RYR2: variants seen among roughly 807,000 people sequenced by gnomAD.
The protein encoded by RYR2 is ryanodine receptor 2, also known as cardiac muscle ryanodine receptor-calcium release channel.
Under a neutral mutation model 601.1 loss-of-function variants are expected in RYR2, and 227 were observed. The ratio of observed to expected loss-of-function variants is 0.38; its 90% CI spans 0.34 to 0.42. The LOEUF is 0.42. RYR2 is among the 10% of genes least tolerant of loss of function. RYR2 has a pLI of 1.00. For synonymous variants in RYR2, 2,223 were observed against 2,175.1 expected (o/e 1.02, Z -0.61); for missense variants, 4,646 against 6,156.5 (o/e 0.75, Z 8.21).
intron 97 of RYR2, among the ~76,000 whole-genome samples, chr1:237,798,776 TCACACACA>T (rs72164792): frequency 5.2e-4 from 70 of 135,328 alleles, no homozygotes; most frequent in Non-Finnish European, 9.9e-4. Flanking sequence ...AATTTAAATG[TCACACACA>T]CACACACACA....
At chr1:237,107,766 C>T (rs1668902643) in intron 1 of RYR2, among the ~76,000 whole-genome samples, 1 of 152,080 alleles carries the variant, frequency 6.6e-6, no homozygotes, top group Admixed American at 6.5e-5. Flanking sequence ...TGGGGCATTC[C>T]CTTCCAGATT....
intron 1 of RYR2, among the ~76,000 whole-genome samples, chr1:237,149,574 C>G (rs1445948227): frequency 6.6e-6 from 1 of 151,718 alleles, no homozygotes; most frequent in African/African-American, 2.4e-5. Flanking sequence ...AAGACAGTAG[C>G]AGAAAAATTG....
At chr1:237,092,493 A>G (rs1667065625) in intron 1 of RYR2, among the ~76,000 whole-genome samples, 1 of 149,368 alleles carries the variant, frequency 6.7e-6, no homozygotes, top group East Asian at 2.0e-4. Flanking sequence ...TATGTGGTAT[A>G]CTATACAGAT....
At chr1:237,095,476 G>A (rs1409147578) in intron 1 of RYR2, among the ~76,000 whole-genome samples, 2 of 152,218 alleles carry the variant, frequency 1.3e-5, no homozygotes, top group Non-Finnish European at 2.9e-5. Flanking sequence ...CTCTGTAGCT[G>A]AAAAGTGCTA....
intron 24 of RYR2, among the ~76,000 whole-genome samples, chr1:237,514,693 G>T (rs1259299944): frequency 2.0e-5 from 3 of 152,098 alleles, no homozygotes; most frequent in African/African-American, 7.2e-5. Context: ...CTGGAGTTGG[G>T]TCATCTGGAC....
At chr1:237,759,993 C>T (rs1319470167) in intron 83 of RYR2, 141 bp downstream of exon 83, 11 of 646,522 alleles carry the variant, frequency 1.7e-5, no homozygotes, top group Non-Finnish European at 2.8e-5. Context: ...TCGGCAGTGT[C>T]TTGTTTTCTA....
intron 2 of RYR2, among the ~76,000 whole-genome samples, chr1:237,285,936 C>A (rs143123293): frequency 0.011 from 1,630 of 152,148 alleles, 43 homozygotes; most frequent in African/African-American, 0.037. Context: ...ATTGATCTTG[C>A]CAATGGTCTA....
intron 93 of RYR2, 186 bp downstream of exon 93, chr1:237,791,701 A>G (rs1337526630): frequency 3.4e-6 from 2 of 580,728 alleles, no homozygotes; most frequent in African/African-American, 1.9e-5. Flanking sequence ...CTGAGAAGTG[A>G]GAAATGCCTC....
At chr1:237,698,864 G>C (rs1521745) in intron 63 of RYR2, 101 bp from the exon 64 acceptor site, 400,431 of 623,392 alleles carry the variant, frequency 0.64, 134,604 homozygotes, top group Middle Eastern at 0.71. Flanking sequence ...AAATATTACT[G>C]TTGTGTCATT....
chr1:237,135,759 TCTTTTGTACAG>T (rs1221132815), intron 1 of RYR2, among the ~76,000 whole-genome samples: 1 of 152,230 alleles, frequency 6.6e-6, no homozygotes, highest in African/African-American at 2.4e-5. Context: ...GATAGATTTG[TCTTTTGTACAG>T]CTTTTGCTTT....
At chr1:237,481,114 A>G (rs1213509598) in intron 17 of RYR2, among the ~76,000 whole-genome samples, 6 of 137,416 alleles carry the variant, frequency 4.4e-5, no homozygotes, top group South Asian at 4.4e-4. Flanking sequence ...ATACATATAT[A>G]TATATATATA....
At chr1:237,251,835 G>C (rs1049166666) in intron 1 of RYR2, among the ~76,000 whole-genome samples, 2 of 152,030 alleles carry the variant, frequency 1.3e-5, no homozygotes, top group African/African-American at 2.4e-5. Flanking sequence ...ATCACTAACT[G>C]CCTTTCCCAC....
At chr1:237,363,526 G>A (rs16835167) in intron 4 of RYR2, among the ~76,000 whole-genome samples, 46,308 of 151,686 alleles carry the variant, frequency 0.31, 7,278 homozygotes, top group East Asian at 0.32. Flanking sequence ...TGTCTCTATG[G>A]TATCTTTTCT....
At chr1:237,073,394 T>A (rs1664622038) in intron 1 of RYR2, among the ~76,000 whole-genome samples, 1 of 152,168 alleles carries the variant, frequency 6.6e-6, no homozygotes, top group South Asian at 2.1e-4. Context: ...GAAGTCACTG[T>A]CCTGCTCTGC....
At chr1:237,310,365 C>A (rs1449127902) in intron 2 of RYR2, among the ~76,000 whole-genome samples, 1 of 152,142 alleles carries the variant, frequency 6.6e-6, no homozygotes, top group Non-Finnish European at 1.5e-5. Flanking sequence ...AATTAAACTA[C>A]AAGCTGAGTC....
intron 2 of RYR2, among the ~76,000 whole-genome samples, chr1:237,301,555 G>C (rs1693354693): frequency 6.6e-6 from 1 of 152,080 alleles, no homozygotes; most frequent in East Asian, 1.9e-4. Flanking sequence ...CCTGCTACAA[G>C]TTTAAATTTT....
At chr1:237,656,678 A>G (rs762807430) in intron 53 of RYR2, among the ~76,000 whole-genome samples, 3 of 152,164 alleles carry the variant, frequency 2.0e-5, no homozygotes, top group African/African-American at 7.2e-5. Context: ...AGTTTTAGCA[A>G]GGTAGACACT....
chr1:237,757,598 G>T, intron 81 of RYR2, 99 bp from the exon 82 acceptor site: 2 of 762,502 alleles, frequency 2.6e-6, no homozygotes, highest in Non-Finnish European at 4.6e-6. Flanking sequence ...TTGCCTGGGG[G>T]GGCATAATAA....
At chr1:237,128,312 G>A (rs538050378) in intron 1 of RYR2, among the ~76,000 whole-genome samples, 232 of 152,328 alleles carry the variant, frequency 1.5e-3, no homozygotes, top group South Asian at 0.011. Context: ...GCAGTGAGCC[G>A]AGATGGCAGC....
Sources: gnomAD v4.1 joint callset for allele counts (sites outside exome capture counted in the v4.1 genomes callset) on GRCh38, gnomAD v4.1.1 for gene constraint, MANE v1.5 for transcripts, NCBI Gene and HGNC (gene_info 2026-07-23, HGNC 2026-07-21) for gene names.